RHBDF2: variants seen among roughly 807,000 people sequenced by gnomAD.
The protein encoded by RHBDF2 is rhomboid 5 homolog 2, also known as inactive rhomboid protein 2.
RHBDF2 carries 38 observed loss-of-function variants against 95.2 expected under a neutral mutation model. The ratio of observed to expected loss-of-function variants is 0.40; its 90% CI spans 0.31 to 0.52. The LOEUF (loss-of-function observed/expected upper bound fraction) is 0.52. Among genes scored for constraint, RHBDF2 ranks in the 20% least tolerant of loss-of-function variants. The pLI, the probability that RHBDF2 is intolerant of heterozygous loss-of-function variation, is 0.56. For synonymous variants in RHBDF2, 442 were observed against 462.0 expected (o/e 0.96, Z 0.55); for missense variants, 863 against 1,137.7 (o/e 0.76, Z 3.47).
intron 12 of RHBDF2, 65 bp downstream of exon 12, chr17:76,474,308 C>A: frequency 6.4e-7 from 1 of 1,550,830 alleles, no homozygotes. Flanking sequence ...CCTTGAAGGA[C>A]AGGGCAAGTG....
At chr17:76,473,179 G>A (rs2073644558) in intron 16 of RHBDF2, 73 bp downstream of exon 16, 11 of 1,582,942 alleles carry the variant, frequency 6.9e-6, no homozygotes, top group African/African-American at 5.4e-5. Flanking sequence ...GAGGGAGTGC[G>A]TGAGCCCCGG....
rs1389920770 is a variant in RHBDF2 at position 76,476,921 on chromosome 17, G to A, written c.1024C>T (p.Leu342Phe). 2.5e-6 allele frequency: 4 copies of A among 1,613,718 alleles called. No homozygotes were observed. The highest frequency in any genetic ancestry group is 3.4e-6 in the Non-Finnish European group (4 of 1,180,010). The change falls in exon 9 of 19, where the codon CTC (leucine) becomes TTC (phenylalanine). Residue 342 changes from leucine (L) to phenylalanine (F), a missense_variant. Leu to Phe is a conservative substitution (Grantham distance 22, BLOSUM62 0). This residue lies in a region of RHBDF2 where 611 missense variants were observed against 725.5 expected (regional missense o/e 0.84). Transcript: ENST00000675367. ...AFDRKKRHYGLGVVGNWLNRS... is the reference protein window; with the variant it reads ...AFDRKKRHYGFGVVGNWLNRS... ...TTCAGCCAGTTGCCCACCACGCCGA[G>A]GCCGTAGTGCCGCTTCTTCCGATCA...
At position 76,489,010 on chromosome 17, in the gene RHBDF2, C is replaced by T. The variant is rs1381727964; in HGVS notation, c.-219-1101G>A. Among the ~76,000 whole-genome samples, 4 of 151,844 alleles carry T rather than the reference C, an allele frequency of 2.6e-5. No individual in the cohort carries two copies. In the East Asian group the frequency reaches 7.8e-4, roughly 30 times the overall value. On this transcript the variant is annotated intron_variant, in intron 1 of 18. Coordinates refer to ENST00000675367, the MANE Select transcript of RHBDF2 (RefSeq NM_001005498.4). ...GCTGGGTGTGGTGGGCCTGTAATCC[C>T]AGCTACTCGGGAGGCTGAGGCAGGA...
chr17:76,471,462 A>G lies in RHBDF2; in HGVS notation c.*171T>C. ...CCCCAGAAAAACCCCGCCTTAACCAACCATCTCACGCGGAGTCAGCCTCGC... is the reference window on the plus strand; with the variant it reads ...CCCCAGAAAAACCCCGCCTTAACCAGCCATCTCACGCGGAGTCAGCCTCGC... On this transcript the variant is annotated 3_prime_UTR_variant, in exon 19 of 19. Coordinates refer to ENST00000675367, the MANE Select transcript of RHBDF2 (RefSeq NM_001005498.4). 2 of 710,954 alleles carry G rather than the reference A, an allele frequency of 2.8e-6. No homozygotes were observed. Among genetic ancestry groups the G allele is most frequent in the Middle Eastern group, 4.0e-4 (1 of 2,488 alleles). 44.0% of individuals were successfully genotyped at this position (710,954 alleles called of 1,614,324 possible). A position where few individuals can be genotyped will look rare whatever the true frequency, so the allele number is the denominator to read the frequency against.
rs773497915 is a variant in RHBDF2 at position 76,478,878 on chromosome 17, G to A, written c.600C>T (p.Tyr200=). The change falls in exon 6 of 19, where the codon TAC becomes TAT. Residue 200 remains tyrosine (Y), a synonymous_variant. Transcript: ENST00000675367. Reference sequence around the variant, plus strand: ...TTCTCTTGCGGCGTGGCAGGTGGGAGTAGCCAGAACGGACACTGGTGAAGG... The same window carrying A: ...TTCTCTTGCGGCGTGGCAGGTGGGAATAGCCAGAACGGACACTGGTGAAGG... ...LTSFTSVRSG[Y]SHLPRRKRMS... 6.2e-7 allele frequency: 1 copy of A among 1,613,318 alleles called. No individual in the cohort carries two copies. Among genetic ancestry groups the A allele is most frequent in the South Asian group, 1.1e-5 (1 of 90,950 alleles).
intron 1 of RHBDF2, among the ~76,000 whole-genome samples, chr17:76,495,256 C>T (rs1028239075): frequency 2.6e-5 from 4 of 152,240 alleles, no homozygotes; most frequent in African/African-American, 9.6e-5. Flanking sequence ...TTCACTCCTG[C>T]TGGAGGCTCC....
intron 2 of RHBDF2, among the ~76,000 whole-genome samples, chr17:76,484,252 A>G (rs1306025830): frequency 1.3e-5 from 2 of 151,996 alleles, no homozygotes; most frequent in African/African-American, 4.8e-5. Context: ...AACAAGAGCG[A>G]AACTTCGTCT....
chr17:76,482,794 C>A (rs1010513683), intron 2 of RHBDF2, among the ~76,000 whole-genome samples: 23 of 151,590 alleles, frequency 1.5e-4, no homozygotes, highest in Admixed American at 7.9e-4. Context: ...ATAACTGAAA[C>A]TGCCACCTGT....
chr17:76,479,125 G>A lies in RHBDF2; in HGVS notation c.425C>T (p.Ser142Phe). The A allele has an allele frequency of 6.2e-7, 1 of 1,613,680 alleles. No individual in the cohort carries two copies. Among genetic ancestry groups the A allele is most frequent in the Non-Finnish European group, 8.5e-7 (1 of 1,179,934 alleles). Residue 142 changes from serine to phenylalanine, a missense_variant, in exon 5 of 19, where the codon TCC (serine) becomes TTC (phenylalanine). Transcript: ENST00000675367. ...DLELPSQEAP[S>F]FQGTESPKPC... ...CTTTGGGGACTCAGTGCCCTGGAAGGACGGTGCCTCCTGGCTGGGGAGCTC... is the reference window on the plus strand; with the variant it reads ...CTTTGGGGACTCAGTGCCCTGGAAGAACGGTGCCTCCTGGCTGGGGAGCTC...
chr17:76,499,330 G>A (rs1351739545), intron 1 of RHBDF2, among the ~76,000 whole-genome samples: 1 of 152,180 alleles, frequency 6.6e-6, no homozygotes, highest in Non-Finnish European at 1.5e-5. Context: ...CAGCTCCTGG[G>A]CATGGACGTG....
intron 1 of RHBDF2, among the ~76,000 whole-genome samples, chr17:76,489,336 T>TTA (rs2074235785): frequency 6.6e-6 from 1 of 150,446 alleles, no homozygotes; most frequent in South Asian, 2.1e-4. Context: ...TTTTTTTTTT[T>TTA]TTTTTGAGAT....
At chr17:76,473,942 G>A (rs200409755) in intron 13 of RHBDF2, 40 bp from the exon 14 acceptor site, 17 of 1,610,574 alleles carry the variant, frequency 1.1e-5, no homozygotes, top group South Asian at 4.4e-5. Context: ...CACACCCAGC[G>A]TGCCACGTCC....
At position 76,480,007 on chromosome 17, in the gene RHBDF2, A is replaced by AAATG. The variant is rs2073901772; in HGVS notation, c.151-154_151-153insCATT. The AAATG allele has an allele frequency of 2.3e-5, 7 of 305,276 alleles. No individual in the cohort carries two copies. In the South Asian group the frequency reaches 2.6e-4, roughly 11 times the overall value. The allele number at this position is 305,276 out of a possible 1,614,324, so 18.9% of individuals were successfully genotyped here. A position where few individuals can be genotyped will look rare whatever the true frequency, so the allele number is the denominator to read the frequency against. On this transcript the variant is annotated intron_variant, in intron 3 of 18. Transcript: ENST00000675367. ...TTTCATTTGGAAATATATATATATAATGTGTGTGTGTGTGTGTGTGTGTGT... is the reference window on the plus strand; with the variant it reads ...TTTCATTTGGAAATATATATATATAAAATGTGTGTGTGTGTGTGTGTGTGTGTGT...
chr17:76,491,384 C>T (rs1230581232), intron 1 of RHBDF2, among the ~76,000 whole-genome samples: 1 of 152,194 alleles, frequency 6.6e-6, no homozygotes, highest in African/African-American at 2.4e-5. Context: ...GCTCCCAAAA[C>T]CCAACACTGA....
At chr17:76,472,133 G>T (rs543779283) in intron 18 of RHBDF2, 81 bp from the exon 19 acceptor site, 1 of 1,354,496 alleles carries the variant, frequency 7.4e-7, no homozygotes, top group African/African-American at 1.5e-5. Context: ...TCATCCCATC[G>T]ATCAGCTCCT....
intron 16 of RHBDF2, 45 bp from the exon 17 acceptor site, chr17:76,473,150 G>A: frequency 6.3e-7 from 1 of 1,592,434 alleles, no homozygotes; most frequent in Non-Finnish European, 8.6e-7. Flanking sequence ...AGCAGGCTGA[G>A]TCTGAGGCTC....
chr17:76,484,526 C>T (rs546488358), intron 2 of RHBDF2, among the ~76,000 whole-genome samples: 2 of 152,174 alleles, frequency 1.3e-5, no homozygotes, highest in South Asian at 4.2e-4. Flanking sequence ...TCCACCATCT[C>T]CTCACCTGGA....
Position 76,472,754 on chromosome 17 carries a change from T to A in RHBDF2, c.1996A>T (p.Ile666Phe). 1 of 1,613,808 alleles carries A rather than the reference T, an allele frequency of 6.2e-7. No individual in the cohort carries two copies. Among genetic ancestry groups the A allele is most frequent in the Non-Finnish European group, 8.5e-7 (1 of 1,179,886 alleles). The change falls in exon 18 of 19, where the codon ATC (isoleucine) becomes TTC (phenylalanine). Residue 666 changes from isoleucine (I) to phenylalanine (F), a missense_variant. Physicochemically the swap from Ile to Phe is conservative, Grantham distance 21. Coordinates refer to ENST00000675367, the MANE Select transcript of RHBDF2 (RefSeq NM_001005498.4). ...GTGATGCCACTGAGGATGAAGATGA[T>A]GGCGATACGGTGCCAGCCGGCCAGC... ...EKLAGWHRIA[I>F]IFILSGITGN...
chr17:76,497,312 C>G (rs556893145), intron 1 of RHBDF2, among the ~76,000 whole-genome samples: 10 of 152,248 alleles, frequency 6.6e-5, no homozygotes, highest in Admixed American at 5.9e-4. Flanking sequence ...TGCCCCCCAC[C>G]CCACTGTCAG....
Sources: allele counts gnomAD v4.1 joint callset (sites outside exome capture counted in the v4.1 genomes callset), GRCh38; gene constraint gnomAD v4.1.1; regional missense constraint gnomAD v4.1.1; transcripts MANE v1.5; gene names NCBI Gene and HGNC (gene_info 2026-07-23, HGNC 2026-07-21).